ARMC9: variants seen among roughly 807,000 people sequenced by gnomAD.
The protein encoded by ARMC9 is armadillo repeat containing 9, also known as lisH domain-containing protein ARMC9.
Under a neutral mutation model 107.0 loss-of-function variants are expected in ARMC9, and 94 were observed. The observed-to-expected ratio is 0.88, with a 90% CI of 0.74 to 1.04. ARMC9 has a LOEUF of 1.04. Ranked by LOEUF, ARMC9 falls within the 50% of genes least tolerant of loss-of-function variation. The pLI is 0.00. For synonymous variants in ARMC9, 380 were observed against 396.9 expected (o/e 0.96, Z 0.51); for missense variants, 942 against 1,030.1 (o/e 0.91, Z 1.17).
intron 11 of ARMC9, among the ~76,000 whole-genome samples, chr2:231,260,362 A>G (rs1012957027): frequency 6.6e-6 from 1 of 152,182 alleles, no homozygotes; most frequent in Non-Finnish European, 1.5e-5. Flanking sequence ...CACACTGAGA[A>G]CTGCTGACTC....
Position 231,273,032 on chromosome 2 carries a change from A to G in ARMC9, c.1288A>G (p.Ile430Val), listed in dbSNP as rs1171918805. Residue 430 changes from isoleucine to valine, a missense_variant, in exon 14 of 25, where the codon ATC becomes GTC. By Grantham distance (29) the Ile-to-Val change is conservative. Transcript: ENST00000611582. ...GCTGAAGGAGGAGGACAAGGATATC[A>G]TCACCAGGGAGAATGTTCTTGGGGC... ...GRLKEEDKDIITRENVLGALQ... is the reference protein window; with the variant it reads ...GRLKEEDKDIVTRENVLGALQ... 1 of 1,613,876 alleles carries G rather than the reference A, an allele frequency of 6.2e-7. No individual in the cohort carries two copies. The highest frequency in any genetic ancestry group is 2.2e-5 in the East Asian group (1 of 44,874).
chr2:231,281,941 G>A lies in ARMC9; in HGVS notation c.1552-118G>A, dbSNP rs147073347. 8.6e-5 allele frequency: 78 copies of A among 907,430 alleles called. No homozygotes were observed. The East Asian group carries it at 1.3e-3, about 15-fold the overall frequency. 56.2% of individuals were successfully genotyped at this position (907,430 alleles called of 1,614,324 possible). A position where few individuals can be genotyped will look rare whatever the true frequency, so the allele number is the denominator to read the frequency against. On this transcript the variant is annotated intron_variant, in intron 16 of 24. Coordinates refer to ENST00000611582, the MANE Select transcript of ARMC9 (RefSeq NM_001352754.2). ...ACATCCTGGAGCACAGGAGAGCTGC[G>A]AGGACGGGAACACCCACTCTCCCCA...
chr2:231,331,449 G>C (rs2043728571), intron 19 of ARMC9, among the ~76,000 whole-genome samples: 2 of 133,898 alleles, frequency 1.5e-5, no homozygotes, highest in South Asian at 2.4e-4. Flanking sequence ...ATGACTGACT[G>C]GCTGTTCTAT....
intron 23 of ARMC9, among the ~76,000 whole-genome samples, chr2:231,364,288 G>C (rs2045718738): frequency 6.6e-6 from 1 of 152,264 alleles, no homozygotes; most frequent in African/African-American, 2.4e-5. Flanking sequence ...ACAGGTGAGG[G>C]AGGTGGCTCT....
chr2:231,260,666 G>T (rs1013318247), intron 11 of ARMC9, among the ~76,000 whole-genome samples: 2 of 152,168 alleles, frequency 1.3e-5, no homozygotes, highest in Admixed American at 1.3e-4. Flanking sequence ...GGGTGGGGCA[G>T]CATGAGTCAT....
At chr2:231,214,043 A>G (rs1325558834) in intron 3 of ARMC9, among the ~76,000 whole-genome samples, 1 of 152,242 alleles carries the variant, frequency 6.6e-6, no homozygotes, top group African/African-American at 2.4e-5. Flanking sequence ...CAGGTGAGTT[A>G]TCTTCCTTGT....
intron 20 of ARMC9, among the ~76,000 whole-genome samples, chr2:231,338,131 C>T (rs539994252): frequency 1.3e-5 from 2 of 152,130 alleles, no homozygotes; most frequent in Admixed American, 6.5e-5. Flanking sequence ...GCTTGGGAGG[C>T]GTCCTCTAAA....
At chr2:231,293,669 G>C (rs2041172955) in intron 18 of ARMC9, among the ~76,000 whole-genome samples, 1 of 152,196 alleles carries the variant, frequency 6.6e-6, no homozygotes, top group Non-Finnish European at 1.5e-5. Flanking sequence ...CTAACCCTGG[G>C]CATTCTGGAA....
At chr2:231,223,322 C>CGTTTG in intron 6 of ARMC9, among the ~76,000 whole-genome samples, 1 of 152,282 alleles carries the variant, frequency 6.6e-6, no homozygotes, top group Non-Finnish European at 1.5e-5. Flanking sequence ...TGTGCAGTAT[C>CGTTTG]ACCACAGTCC....
At chr2:231,282,942 G>A (rs2040321307) in intron 17 of ARMC9, among the ~76,000 whole-genome samples, 1 of 152,128 alleles carries the variant, frequency 6.6e-6, no homozygotes, top group Non-Finnish European at 1.5e-5. Context: ...TGAAAGAAAG[G>A]GGTTGTCAAC....
chr2:231,309,729 T>TG (rs1256403890), intron 19 of ARMC9, among the ~76,000 whole-genome samples: 5 of 152,144 alleles, frequency 3.3e-5, no homozygotes, highest in African/African-American at 1.2e-4. Flanking sequence ...TTTTTTTTTT[T>TG]TGCAAAATCT....
At chr2:231,285,278 G>A (rs192043322) in intron 17 of ARMC9, among the ~76,000 whole-genome samples, 1 of 152,214 alleles carries the variant, frequency 6.6e-6, no homozygotes, top group East Asian at 1.9e-4. Flanking sequence ...TTTCCTTAAT[G>A]GCTTCTACAT....
chr2:231,202,172 G>A (rs1476692352), intron 1 of ARMC9, among the ~76,000 whole-genome samples: 1 of 151,774 alleles, frequency 6.6e-6, no homozygotes, highest in East Asian at 1.9e-4. Context: ...GCTAATTTTT[G>A]TATTTTTAGT....
At chr2:231,215,024 G>A in intron 4 of ARMC9, 23 bp downstream of exon 4, 1 of 1,610,770 alleles carries the variant, frequency 6.2e-7, no homozygotes, top group Non-Finnish European at 8.5e-7. Flanking sequence ...GGTGATGCGG[G>A]TGGGTCTGAG....
intron 20 of ARMC9, among the ~76,000 whole-genome samples, chr2:231,338,659 C>A (rs2044293476): frequency 6.6e-6 from 1 of 151,314 alleles, no homozygotes; most frequent in Non-Finnish European, 1.5e-5. Context: ...CCCACCTCAG[C>A]CCCCCAAGTA....
rs1001580972 is a variant in ARMC9 at position 231,371,437 on chromosome 2, G to A, written c.2435-76G>A. ...CCTCGCTTCTGAGCCGGCTGAAAGA[G>A]GGACTGAGTGGGACAGAGGGGATTC... On this transcript the variant is annotated intron_variant, in intron 24 of 24. Coordinates refer to ENST00000611582, the MANE Select transcript of ARMC9 (RefSeq NM_001352754.2). The A allele has an allele frequency of 2.4e-5, 32 of 1,331,798 alleles. 1 individual carries two copies. The Admixed American group carries it at 9.9e-4, about 41-fold the overall frequency. The allele number at this position is 1,331,798 out of a possible 1,614,324, so 82.5% of individuals were successfully genotyped here.
chr2:231,260,394 G>A (rs2038221722), intron 11 of ARMC9, among the ~76,000 whole-genome samples: 1 of 152,210 alleles, frequency 6.6e-6, no homozygotes, highest in Non-Finnish European at 1.5e-5. Context: ...GGTTGAGCCA[G>A]CAGTTCTTTA....
chr2:231,327,064 G>T (rs1027568590), intron 19 of ARMC9, among the ~76,000 whole-genome samples: 3 of 152,086 alleles, frequency 2.0e-5, no homozygotes, highest in Admixed American at 1.3e-4. Context: ...ATAGCCAGCA[G>T]CTTCCCTCTT....
chr2:231,257,543 C>T (rs2037945573), intron 10 of ARMC9, among the ~76,000 whole-genome samples: 1 of 152,080 alleles, frequency 6.6e-6, no homozygotes, highest in African/African-American at 2.4e-5. Flanking sequence ...TGACCTTGAC[C>T]CCACGCTTTA....
Sources: gnomAD v4.1 joint callset for allele counts (sites outside exome capture counted in the v4.1 genomes callset) on GRCh38, gnomAD v4.1.1 for gene constraint, MANE v1.5 for transcripts, NCBI Gene and HGNC (gene_info 2026-07-23, HGNC 2026-07-21) for gene names.